Variants in NBEA observed in about 807,000 individuals in gnomAD.
NBEA encodes lysosomal-trafficking regulator 2.
A neutral mutation model predicts 343.4 loss-of-function variants in NBEA; 44 were observed. The ratio of observed to expected loss-of-function variants is 0.13; its 90% CI spans 0.10 to 0.16. The LOEUF (loss-of-function observed/expected upper bound fraction) is 0.16. NBEA is among the 10% of genes least tolerant of loss of function. The pLI is 1.00. For missense variants in NBEA, 2,555 were observed against 3,631.3 expected, an observed-to-expected ratio of 0.70 and a Z score of 7.62; for synonymous variants, 1,175 against 1,238.7, an observed-to-expected ratio of 0.95 and a Z score of 1.08.
chr13:35,644,559 G>A lies in NBEA; in HGVS notation c.7618-1310G>A, dbSNP rs138637123. Among the ~76,000 whole-genome samples, 79 of 152,132 alleles carry A rather than the reference G, an allele frequency of 5.2e-4. 1 individual carries two copies. In the East Asian group the frequency reaches 0.014, roughly 27 times the overall value. On this transcript the variant is annotated intron_variant, in intron 49 of 58. Transcript: ENST00000379939. ...TTAAAACATGTTTAATTTTACCCCC[G>A]GCTCCTCGCCCCCACTTGTGTCCTT... is the stretch of plus-strand genomic sequence containing the variant.
intron 7 of NBEA, among the ~76,000 whole-genome samples, chr13:35,056,368 A>G (rs749293631): frequency 1.3e-5 from 2 of 152,178 alleles, no homozygotes; most frequent in Non-Finnish European, 2.9e-5. Context: ...ATCAAAAACC[A>G]TGAATCCTGT....
chr13:35,034,816 G>C (rs1027632039), intron 1 of NBEA, among the ~76,000 whole-genome samples: 1 of 151,770 alleles, frequency 6.6e-6, no homozygotes, highest in Non-Finnish European at 1.5e-5. Flanking sequence ...AATAATTTGC[G>C]TGTGGTTGCT....
intron 23 of NBEA, 31 bp downstream of exon 23, chr13:35,161,998 G>A: frequency 6.6e-7 from 1 of 1,504,870 alleles, no homozygotes; most frequent in South Asian, 1.3e-5. Flanking sequence ...TAAATTAAAA[G>A]CAAATATTTA....
At chr13:35,171,586 A>T (rs978661572) in intron 26 of NBEA, 134 bp downstream of exon 26, 7 of 746,990 alleles carry the variant, frequency 9.4e-6, no homozygotes, top group Non-Finnish European at 1.3e-5. Context: ...AGATACAGAG[A>T]TTATTTTTAT....
intron 16 of NBEA, among the ~76,000 whole-genome samples, chr13:35,120,891 C>A (rs186610420): frequency 2.1e-4 from 32 of 152,226 alleles, no homozygotes; most frequent in Admixed American, 3.3e-4. Flanking sequence ...AAGTAAATTT[C>A]TTATTCATAC....
intron 34 of NBEA, among the ~76,000 whole-genome samples, chr13:35,272,379 C>T (rs941767488): frequency 2.0e-4 from 30 of 152,262 alleles, no homozygotes; most frequent in African/African-American, 6.5e-4. Context: ...AAGGAACAAC[C>T]GGTACCAGCC....
At chr13:34,973,182 T>A (rs1228752082) in intron 1 of NBEA, among the ~76,000 whole-genome samples, 3 of 152,070 alleles carry the variant, frequency 2.0e-5, no homozygotes, top group African/African-American at 7.2e-5. Context: ...GGGTGCTCCA[T>A]CCCAGGGAGG....
chr13:35,508,341 C>T (rs905021055), intron 41 of NBEA, among the ~76,000 whole-genome samples: 1 of 152,026 alleles, frequency 6.6e-6, no homozygotes, highest in Non-Finnish European at 1.5e-5. Flanking sequence ...TATTATAAGC[C>T]ATATTTGAGG....
chr13:35,492,107 C>T (rs2152974338), intron 41 of NBEA, among the ~76,000 whole-genome samples: 1 of 152,004 alleles, frequency 6.6e-6, no homozygotes, highest in East Asian at 1.9e-4. Flanking sequence ...GAAAACCAAA[C>T]ATTGTATGTT....
intron 41 of NBEA, among the ~76,000 whole-genome samples, chr13:35,547,517 G>A (rs548427221): frequency 6.8e-4 from 104 of 152,282 alleles, no homozygotes; most frequent in African/African-American, 2.3e-3. Flanking sequence ...GATAGGAAAA[G>A]TGTGATACAA....
At chr13:35,514,157 C>T (rs1357654263) in intron 41 of NBEA, among the ~76,000 whole-genome samples, 5 of 151,660 alleles carry the variant, frequency 3.3e-5, no homozygotes, top group Admixed American at 6.6e-5. Context: ...ATAAAAGAAG[C>T]CCTTGAGGTG....
chr13:35,596,861 C>T (rs2153045548), intron 47 of NBEA, among the ~76,000 whole-genome samples: 1 of 151,006 alleles, frequency 6.6e-6, no homozygotes, highest in South Asian at 2.1e-4. Context: ...CCATTATGAG[C>T]TCTTGTGGAA....
chr13:35,288,127 A>T (rs187749882), intron 34 of NBEA, among the ~76,000 whole-genome samples: 2 of 151,948 alleles, frequency 1.3e-5, no homozygotes, highest in Admixed American at 1.3e-4. Flanking sequence ...AAAAGGATAC[A>T]CTCAAACTTT....
At chr13:35,543,987 T>C (rs190438214) in intron 41 of NBEA, among the ~76,000 whole-genome samples, 1 of 152,120 alleles carries the variant, frequency 6.6e-6, no homozygotes, top group Admixed American at 6.6e-5. Flanking sequence ...AAAAAGAGCA[T>C]GGATGATCTC....
At chr13:34,998,709 T>G (rs1235784269) in intron 1 of NBEA, among the ~76,000 whole-genome samples, 1 of 152,216 alleles carries the variant, frequency 6.6e-6, no homozygotes, top group East Asian at 1.9e-4. Context: ...TGAACATTGC[T>G]GTTATCCTGT....
At chr13:35,182,162 T>TAG (rs1300905948) in intron 28 of NBEA, among the ~76,000 whole-genome samples, 198 bp from the exon 29 acceptor site, 1 of 151,362 alleles carries the variant, frequency 6.6e-6, no homozygotes, top group Non-Finnish European at 1.5e-5. Context: ...TTCCAACCTG[T>TAG]AGATGATATA....
At chr13:35,564,959 A>G (rs543338279) in intron 44 of NBEA, among the ~76,000 whole-genome samples, 1 of 152,360 alleles carries the variant, frequency 6.6e-6, no homozygotes, top group South Asian at 2.1e-4. Context: ...GCATATGCCA[A>G]CACACAGAGA....
At chr13:35,202,029 T>G (rs1040609482) in intron 31 of NBEA, among the ~76,000 whole-genome samples, 2 of 152,154 alleles carry the variant, frequency 1.3e-5, no homozygotes, top group Non-Finnish European at 2.9e-5. Context: ...TATTTTAGTT[T>G]GGAATAGAAA....
intron 34 of NBEA, among the ~76,000 whole-genome samples, chr13:35,236,263 C>T (rs989997850): frequency 1.3e-5 from 2 of 152,134 alleles, no homozygotes; most frequent in Non-Finnish European, 2.9e-5. Context: ...CAGTATCCCT[C>T]ACAATTTGGT....
Sources: allele counts gnomAD v4.1 joint callset (sites outside exome capture counted in the v4.1 genomes callset), GRCh38; gene constraint gnomAD v4.1.1; transcripts MANE v1.5; gene names NCBI Gene and HGNC (gene_info 2026-07-23, HGNC 2026-07-21).